KIT: variants seen among roughly 807,000 people sequenced by gnomAD.
The protein encoded by KIT is mast/stem cell growth factor receptor Kit.
In KIT, 16 loss-of-function variants were observed where a neutral mutation model predicts 105.7. The ratio of observed to expected loss-of-function variants is 0.15; its 90% CI spans 0.10 to 0.23. The LOEUF (loss-of-function observed/expected upper bound fraction) is 0.23, where lower values mean the gene tolerates loss of function less well. KIT is among the 10% of genes least tolerant of loss of function. The pLI, the probability that KIT is intolerant of heterozygous loss-of-function variation, is 1.00. For missense variants in KIT, 858 were observed against 1,213.8 expected (o/e 0.71, Z 4.36); for synonymous variants, 438 against 441.1 (o/e 0.99, Z 0.09).
intron 1 of KIT, among the ~76,000 whole-genome samples, chr4:54,678,346 T>TTCCTTCCC (rs370740484): frequency 1.3e-5 from 1 of 78,966 alleles, no homozygotes; most frequent in Non-Finnish European, 2.2e-5. Flanking sequence ...CCTTCCTTCC[T>TTCCTTCCC]TCCTTCCCTC....
intron 17 of KIT, among the ~76,000 whole-genome samples, chr4:54,735,756 G>C (rs1331775409): frequency 1.3e-5 from 2 of 152,178 alleles, no homozygotes; most frequent in Non-Finnish European, 1.5e-5. Context: ...CAGTGTATTA[G>C]AGAAAGTTTT....
rs962542157 is a variant in KIT, at chr4:54,723,643, G to T, written c.1291G>T (p.Ala431Ser). Residue 431 changes from alanine (A) to serine (S), a missense_variant, in exon 8 of 21, where the codon GCA becomes TCA. Coordinates refer to ENST00000288135, the MANE Select transcript of KIT (RefSeq NM_000222.3). Reference sequence around the variant, plus strand: ...GAATGGCATGCTCCAATGTGTGGCAGCAGGATTCCCAGAGCCCACAATAGA... The same window carrying T: ...GAATGGCATGCTCCAATGTGTGGCATCAGGATTCCCAGAGCCCACAATAGA... Reference protein sequence around the residue: ...LVNGMLQCVAAGFPEPTIDWY... With the variant: ...LVNGMLQCVASGFPEPTIDWY... 1 of 1,614,134 alleles carries T rather than the reference G, an allele frequency of 6.2e-7. No individual in the cohort carries two copies. The highest frequency in any genetic ancestry group is 8.5e-7 in the Non-Finnish European group (1 of 1,179,982).
chr4:54,680,238 C>T (rs1718804588), intron 1 of KIT, among the ~76,000 whole-genome samples: 1 of 152,038 alleles, frequency 6.6e-6, no homozygotes, highest in South Asian at 2.1e-4. Context: ...TACACATGCA[C>T]ACAGATAGGC....
chr4:54,726,100 C>T (rs1183593175), intron 9 of KIT, 50 bp downstream of exon 9: 7 of 1,424,072 alleles, frequency 4.9e-6, no homozygotes, highest in East Asian at 2.3e-5. Context: ...CTCTGTCTAC[C>T]ATATCAGTCA....
chr4:54,675,012 C>A (rs116706661), intron 1 of KIT, among the ~76,000 whole-genome samples: 2,302 of 151,664 alleles, frequency 0.015, 60 homozygotes, highest in African/African-American at 0.053. Flanking sequence ...CTGATTTTTT[C>A]CCCCACTGAA....
chr4:54,691,474 G>T (rs1038488966), intron 1 of KIT, among the ~76,000 whole-genome samples: 1 of 152,116 alleles, frequency 6.6e-6, no homozygotes, highest in Non-Finnish European at 1.5e-5. Context: ...GACAAGATGT[G>T]TCCCAGGGAC....
At chr4:54,689,465 G>C (rs1719543559) in intron 1 of KIT, among the ~76,000 whole-genome samples, 1 of 152,156 alleles carries the variant, frequency 6.6e-6, no homozygotes, top group Non-Finnish European at 1.5e-5. Context: ...TTTCCACTCA[G>C]AGAGTTAAAA....
chr4:54,713,162 C>T (rs546352413), intron 7 of KIT, among the ~76,000 whole-genome samples: 1 of 151,850 alleles, frequency 6.6e-6, no homozygotes, highest in East Asian at 1.9e-4. Flanking sequence ...GTTTTAGTTA[C>T]ATAGATAAGT....
intron 1 of KIT, among the ~76,000 whole-genome samples, chr4:54,692,614 G>A (rs190616223): frequency 6.6e-6 from 1 of 152,118 alleles, no homozygotes; most frequent in Non-Finnish European, 1.5e-5. Context: ...CATTCATTGG[G>A]AACTGTTCTT....
Position 54,668,223 on chromosome 4 carries a change from C to T in KIT, c.67+10142C>T, listed in dbSNP as rs369047064. ...TGCCCTCCCCAACCCAGGGAGTCTT[C>T]GGAGGGAGGAGGAGGTGGCTGTTTG... On this transcript the variant is annotated intron_variant, in intron 1 of 20. Coordinates refer to ENST00000288135, the MANE Select transcript of KIT (RefSeq NM_000222.3). Among the ~76,000 whole-genome samples, 287 of 152,118 alleles carry T rather than the reference C, an allele frequency of 1.9e-3. 5 individuals carry two copies. In the South Asian group the frequency reaches 0.027, roughly 14 times the overall value.
chr4:54,732,982 G>GCAA, intron 16 of KIT, 88 bp from the exon 17 acceptor site: 1 of 1,092,262 alleles, frequency 9.2e-7, no homozygotes, highest in Non-Finnish European at 1.4e-6. Flanking sequence ...TATAATATAA[G>GCAA]CAACACTATA....
At chr4:54,672,322 G>T (rs1486886518) in intron 1 of KIT, among the ~76,000 whole-genome samples, 5 of 151,530 alleles carry the variant, frequency 3.3e-5, no homozygotes, top group Non-Finnish European at 4.4e-5. Flanking sequence ...TTTTAATGAG[G>T]GTACTGTGTA....
chr4:54,663,006 C>A (rs1327976652), intron 1 of KIT, among the ~76,000 whole-genome samples: 1 of 147,700 alleles, frequency 6.8e-6, no homozygotes, highest in Non-Finnish European at 1.5e-5. Flanking sequence ...AAAAAAAAAA[C>A]TACACATCTT....
At chr4:54,719,707 A>G (rs1015807281) in intron 7 of KIT, among the ~76,000 whole-genome samples, 3 of 152,196 alleles carry the variant, frequency 2.0e-5, no homozygotes, top group Admixed American at 1.3e-4. Context: ...CACAGCTCAG[A>G]TTTAACCTGG....
chr4:54,728,187 A>T (rs1285065172), intron 13 of KIT, 66 bp downstream of exon 13: 1 of 1,173,042 alleles, frequency 8.5e-7, no homozygotes, highest in Non-Finnish European at 1.3e-6. Context: ...TTTTAATATG[A>T]TTTTGGCAAT....
At chr4:54,728,262 G>T (rs538566622) in intron 13 of KIT, 141 bp downstream of exon 13, 34 of 725,714 alleles carry the variant, frequency 4.7e-5, no homozygotes, top group Non-Finnish European at 7.9e-5. Flanking sequence ...GCTAGATTTT[G>T]TTTTCCTCAT....
chr4:54,723,795 C>A lies in KIT; in HGVS notation c.1346+97C>A, dbSNP rs1052234604. 12 of 851,864 alleles carry A rather than the reference C, an allele frequency of 1.4e-5. No homozygotes were observed. The African/African-American group carries it at 2.0e-4, about 14-fold the overall frequency. 52.8% of individuals were successfully genotyped at this position (851,864 alleles called of 1,614,324 possible). ...TGTTTTCTGATTTTTTTTAAAAAAGCTTTGTTTTGATTATTGTTTTTTTTC... is the reference window on the plus strand; with the variant it reads ...TGTTTTCTGATTTTTTTTAAAAAAGATTTGTTTTGATTATTGTTTTTTTTC... On this transcript the variant is annotated intron_variant, in intron 8 of 20. Transcript: ENST00000288135.
chr4:54,698,478 G>A lies in KIT; in HGVS notation c.532G>A (p.Ala178Thr), dbSNP rs115585711. 5.7e-4 allele frequency: 919 copies of A among 1,614,132 alleles called. 5 individuals are homozygous for A. The African/African-American group carries it at 0.011, about 20-fold the overall frequency. Residue 178 changes from alanine to threonine, a missense_variant, in exon 3 of 21, where the codon GCC (alanine) becomes ACC (threonine). Physicochemically the swap from Ala to Thr is moderately conservative, Grantham distance 58. Around this residue, in one of 7 missense-constraint regions of KIT, gnomAD observed 401 missense variants for 601.0 expected, o/e 0.67. Transcript: ENST00000288135. ...CATCATGATCAAAAGTGTGAAACGC[G>A]CCTACCATCGGCTCTGTCTGCATTG... ...AGIMIKSVKR[A>T]YHRLCLHCSV... is the part of the protein sequence containing the mutation.
intron 14 of KIT, among the ~76,000 whole-genome samples, chr4:54,730,484 TA>T (rs1722518537): frequency 6.6e-6 from 1 of 152,124 alleles, no homozygotes; most frequent in Non-Finnish European, 1.5e-5. Context: ...TATTTTTTTT[TA>T]ATCCTATAAA....
Sources: gnomAD v4.1 joint callset for allele counts (sites outside exome capture counted in the v4.1 genomes callset) on GRCh38, gnomAD v4.1.1 for gene constraint, gnomAD v4.1.1 regional missense constraint, MANE v1.5 for transcripts, NCBI Gene and HGNC (gene_info 2026-07-23, HGNC 2026-07-21) for gene names.